CFAP95: variants seen among roughly 807,000 people sequenced by gnomAD.
CFAP95 encodes the protein cilia and flagella associated protein 95.
At chr9:69,854,362 A>G in the CFAP95 span, among the ~76,000 whole-genome samples, 1 of 152,220 alleles carries the variant, frequency 6.6e-6, no homozygotes, top group South Asian at 2.1e-4. Flanking sequence ...ATAACCTACT[A>G]TGCTATAGCT....
At chr9:69,891,751 G>A in the CFAP95 span, among the ~76,000 whole-genome samples, 3 of 151,676 alleles carry the variant, frequency 2.0e-5, no homozygotes, top group South Asian at 2.1e-4. Context: ...CCTCTTTTAC[G>A]CAGTTTGAAT....
chr9:69,881,637 G>C, the CFAP95 span, among the ~76,000 whole-genome samples: 2 of 152,020 alleles, frequency 1.3e-5, no homozygotes, highest in Non-Finnish European at 2.9e-5. Context: ...GGATAGCTTT[G>C]GCTATTCTGT....
At chr9:69,844,523 T>C in the CFAP95 span, 2 of 1,596,510 alleles carry the variant, frequency 1.3e-6, no homozygotes, top group Non-Finnish European at 1.7e-6. Flanking sequence ...TAAGGCACCG[T>C]GACAGAGAAG....
chr9:69,874,962 G>C, the CFAP95 span, among the ~76,000 whole-genome samples: 1 of 152,156 alleles, frequency 6.6e-6, no homozygotes, highest in African/African-American at 2.4e-5. Context: ...TTGTAAACCA[G>C]GATACCTCTT....
the CFAP95 span, among the ~76,000 whole-genome samples, chr9:69,880,085 C>T: frequency 6.6e-6 from 1 of 152,078 alleles, no homozygotes; most frequent in Admixed American, 6.6e-5. Flanking sequence ...ATAATAATCA[C>T]ATCATGAAAA....
the CFAP95 span, among the ~76,000 whole-genome samples, chr9:69,836,836 C>T: frequency 6.6e-6 from 1 of 150,476 alleles, no homozygotes; most frequent in African/African-American, 2.4e-5. Flanking sequence ...CTCACTAACT[C>T]GTCATCTAGC....
chr9:69,846,620 A>T, the CFAP95 span, among the ~76,000 whole-genome samples: 1 of 152,238 alleles, frequency 6.6e-6, no homozygotes, highest in African/African-American at 2.4e-5. Context: ...ACCTAGACTT[A>T]CAGATCTTAA....
At chr9:69,844,721 C>G in the CFAP95 span, 1 of 807,776 alleles carries the variant, frequency 1.2e-6, no homozygotes, top group Non-Finnish European at 2.0e-6. Context: ...AGCACCATCC[C>G]TCGTTAACTG....
At chr9:69,861,749 A>AAAAAAAC in the CFAP95 span, among the ~76,000 whole-genome samples, 1 of 148,346 alleles carries the variant, frequency 6.7e-6, no homozygotes, top group Non-Finnish European at 1.5e-5. Flanking sequence ...AAAAAAAAAA[A>AAAAAAAC]AAAACACAAC....
the CFAP95 span, among the ~76,000 whole-genome samples, chr9:69,898,324 A>C: frequency 6.6e-6 from 1 of 152,058 alleles, no homozygotes; most frequent in African/African-American, 2.4e-5. Flanking sequence ...TTATGGACCC[A>C]ATCATGGGCT....
At chr9:69,903,691 T>C in the CFAP95 span, among the ~76,000 whole-genome samples, 1 of 152,136 alleles carries the variant, frequency 6.6e-6, no homozygotes, top group South Asian at 2.1e-4. Flanking sequence ...CAGGCAACAG[T>C]CTCTTAACTA....
chr9:69,886,157 A>G, the CFAP95 span, among the ~76,000 whole-genome samples: 5 of 152,166 alleles, frequency 3.3e-5, no homozygotes, highest in East Asian at 7.7e-4. Flanking sequence ...AGCCTTCTTC[A>G]TTATTAGATT....
chr9:69,821,653 A>C, the CFAP95 span, among the ~76,000 whole-genome samples: 1 of 152,102 alleles, frequency 6.6e-6, no homozygotes, highest in Admixed American at 6.5e-5. Flanking sequence ...TCTAGGCTAC[A>C]TACAAGAACT....
At chr9:69,835,989 C>T in the CFAP95 span, among the ~76,000 whole-genome samples, 3 of 152,300 alleles carry the variant, frequency 2.0e-5, no homozygotes, top group Admixed American at 6.5e-5. Context: ...GCTGCAGGAC[C>T]TTCCTGACCT....
the CFAP95 span, among the ~76,000 whole-genome samples, chr9:69,881,449 C>A: frequency 6.6e-6 from 1 of 152,116 alleles, no homozygotes; most frequent in South Asian, 2.1e-4. Context: ...GTTCTTGGCA[C>A]CTTTCTCAAA....
the CFAP95 span, among the ~76,000 whole-genome samples, chr9:69,868,662 C>A: frequency 5.3e-3 from 640 of 120,884 alleles, no homozygotes; most frequent in Middle Eastern, 0.012. Context: ...ACTCTGTCTC[C>A]AAAAAAAAAA....
the CFAP95 span, among the ~76,000 whole-genome samples, chr9:69,899,143 C>T: frequency 1.3e-5 from 2 of 152,226 alleles, no homozygotes; most frequent in South Asian, 4.1e-4. Flanking sequence ...GCTTGTCCTT[C>T]CTTAAGTAAA....
chr9:69,842,299 G>C, the CFAP95 span, among the ~76,000 whole-genome samples: 1 of 152,152 alleles, frequency 6.6e-6, no homozygotes, highest in African/African-American at 2.4e-5. Flanking sequence ...GGGAAGGAGA[G>C]TGTTTCTGCA....
At chr9:69,869,621 TA>T in the CFAP95 span, among the ~76,000 whole-genome samples, 453 of 152,260 alleles carry the variant, frequency 3.0e-3, 3 homozygotes, top group Non-Finnish European at 2.6e-3. Context: ...GCAAAAAAGG[TA>T]ACTGTGAGGA....
Sources: gnomAD v4.1 joint callset for allele counts (sites outside exome capture counted in the v4.1 genomes callset) on GRCh38, gnomAD v4.1.1 for gene constraint, MANE v1.5 for transcripts, NCBI Gene and HGNC (gene_info 2026-07-23, HGNC 2026-07-21) for gene names.